TRIM74: variants seen among roughly 807,000 people sequenced by gnomAD.
TRIM74 encodes the protein tripartite motif-containing protein 74.
A neutral mutation model predicts 14.5 loss-of-function variants in TRIM74; 3 were observed. The observed-to-expected ratio is 0.21, with a 90% CI of 0.09 to 0.53. The LOEUF is 0.53. Among genes scored for constraint, TRIM74 ranks in the 20% least tolerant of loss-of-function variants. The pLI, the probability that TRIM74 is intolerant of heterozygous loss-of-function variation, is 0.95. For synonymous variants in TRIM74, 10 were observed against 71.3 expected (o/e 0.14, Z 4.33); for missense variants, 26 against 174.0 (o/e 0.15, Z 4.79).
downstream of TRIM74, chr7:72,955,111 A>ATATATATATATATT (rs1346659193): frequency 8.9e-6 from 1 of 112,068 alleles, no homozygotes; most frequent in African/African-American, 4.1e-5. Context: ...ATATATATAT[A>ATATATATATATATT]TTTTTTTTTT....
At chr7:72,955,117 T>A (rs376960117), downstream of TRIM74, 19 of 194,914 alleles carry the variant, frequency 9.7e-5, no homozygotes, top group African/African-American at 4.1e-4. Flanking sequence ...ATATATTTTT[T>A]TTTTTTTCAG....
At chr7:72,956,046 ACTT>A (rs1798088966), downstream of TRIM74, among the ~76,000 whole-genome samples, 1 of 145,766 alleles carries the variant, frequency 6.9e-6, no homozygotes, top group African/African-American at 2.6e-5. Context: ...GTTCATGTAT[ACTT>A]CTTTAAAGAT....
downstream of TRIM74, chr7:72,954,937 C>G (rs1367028590): frequency 2.2e-5 from 13 of 590,156 alleles, no homozygotes; most frequent in Middle Eastern, 3.7e-4. Context: ...CGTTTCGCCA[C>G]TTCTTCTCCA....
chr7:72,967,060 C>CT (rs1389048194), intron 1 of TRIM74: 2 of 152,090 alleles, frequency 1.3e-5, no homozygotes, highest in African/African-American at 4.8e-5. Flanking sequence ...CATCACAGGA[C>CT]TGGGGAGGCA....
intron 1 of TRIM74, among the ~76,000 whole-genome samples, chr7:72,966,425 A>G (rs1798276574): frequency 1.5e-5 from 2 of 135,776 alleles, no homozygotes; most frequent in Non-Finnish European, 3.1e-5. Context: ...GTGTGTCTAC[A>G]TTTTTTACTC....
At position 72,966,062 on chromosome 7, in the gene TRIM74, G is replaced by A. The variant is rs782814714; in HGVS notation, c.96C>T (p.Gly32=). The stretch of plus-strand genomic sequence containing the variant: ...CCAGGCAGCCCTTGCAGTAGGAGTG[G>A]CCGCACTGTAGCATTAGGGACTCCT... ...VFKESLMLQC[G]HSYCKGCLVS... is the part of the protein sequence containing the mutation. The change falls in exon 2 of 5, where the codon GGC becomes GGT. Residue 32 remains glycine (G), a synonymous_variant. Coordinates refer to ENST00000285805, the MANE Select transcript of TRIM74 (RefSeq NM_198853.3). The A allele has an allele frequency of 4.9e-6, 4 of 816,472 alleles. 1 individual carries two copies. Among genetic ancestry groups the A allele is most frequent in the Non-Finnish European group, 6.5e-6 (4 of 612,742 alleles). 50.6% of individuals were successfully genotyped at this position (816,472 alleles called of 1,614,324 possible).
chr7:72,956,557 G>C (rs1488512283), downstream of TRIM74, among the ~76,000 whole-genome samples: 1 of 150,736 alleles, frequency 6.6e-6, no homozygotes, highest in Non-Finnish European at 1.5e-5. Context: ...TCAGGAAAAA[G>C]GACAGGTCGA....
At chr7:72,958,566 C>CT (rs1158007712), downstream of TRIM74, among the ~76,000 whole-genome samples, 26 of 37,210 alleles carry the variant, frequency 7.0e-4, 1 homozygote, top group African/African-American at 1.8e-3. Context: ...GTTTTCTTTT[C>CT]TTTTTTTTTT....
At chr7:72,967,246 T>TG (rs1286176329) in intron 1 of TRIM74, among the ~76,000 whole-genome samples, 234 of 100,682 alleles carry the variant, frequency 2.3e-3, no homozygotes, top group Middle Eastern at 0.014. Context: ...TATCCTTTTT[T>TG]GGGGGGGGTG....
At chr7:72,967,245 T>TGGG (rs1441686093) in intron 1 of TRIM74, among the ~76,000 whole-genome samples, 10 of 116,616 alleles carry the variant, frequency 8.6e-5, no homozygotes, top group South Asian at 8.1e-4. Flanking sequence ...ATATCCTTTT[T>TGGG]TGGGGGGGGT....
At chr7:72,969,612 A>T, upstream of TRIM74, 1 of 1,476,082 alleles carries the variant, frequency 6.8e-7, no homozygotes, top group Middle Eastern at 2.4e-4. Context: ...CTGTAGTTCC[A>T]GAGCTCGCGA....
downstream of TRIM74, chr7:72,954,897 G>C (rs544708269): frequency 4.2e-5 from 23 of 543,738 alleles, no homozygotes; most frequent in African/African-American, 4.9e-4. Context: ...GGGCGCACCT[G>C]CTGGGGTAGG....
At chr7:72,966,313 T>C (rs1798270041) in intron 1 of TRIM74, 138 bp from the exon 2 acceptor site, 1 of 359,586 alleles carries the variant, frequency 2.8e-6, no homozygotes, top group Non-Finnish European at 4.7e-6. Flanking sequence ...CTAACCCACA[T>C]GACCTTGGGC....
At chr7:72,963,119 TA>T (rs1371295831) in intron 2 of TRIM74, among the ~76,000 whole-genome samples, 2 of 144,678 alleles carry the variant, frequency 1.4e-5, no homozygotes, top group African/African-American at 5.0e-5. Flanking sequence ...AAATCTGACC[TA>T]GCCTTGGGGG....
At chr7:72,963,664 AG>A (rs1185392665) in intron 2 of TRIM74, among the ~76,000 whole-genome samples, 1 of 142,548 alleles carries the variant, frequency 7.0e-6, no homozygotes, top group Non-Finnish European at 1.6e-5. Context: ...TGAGGCCAGG[AG>A]TTTGAGTCCA....
At chr7:72,963,731 A>C (rs1798226278) in intron 2 of TRIM74, among the ~76,000 whole-genome samples, 1 of 145,150 alleles carries the variant, frequency 6.9e-6, no homozygotes, top group Non-Finnish European at 1.5e-5. Context: ...ATTAAGCCCA[A>C]ATCTAAAACA....
intron 1 of TRIM74, among the ~76,000 whole-genome samples, chr7:72,967,249 G>T (rs1164580262): frequency 2.7e-5 from 4 of 148,860 alleles, no homozygotes; most frequent in South Asian, 4.3e-4. Context: ...CCTTTTTTGG[G>T]GGGGGTGGGG....
downstream of TRIM74, chr7:72,955,111 A>ATATATATATATATATATT (rs1346659193): frequency 4.5e-5 from 5 of 112,054 alleles, no homozygotes; most frequent in African/African-American, 1.7e-4. Context: ...ATATATATAT[A>ATATATATATATATATATT]TTTTTTTTTT....
chr7:72,962,636 C>T (rs1392608312), intron 2 of TRIM74, among the ~76,000 whole-genome samples: 3 of 82,372 alleles, frequency 3.6e-5, no homozygotes, highest in South Asian at 4.8e-4. Flanking sequence ...GAGCCGAGAT[C>T]GCCCACTGCA....
Sources: gnomAD v4.1 joint callset for allele counts (sites outside exome capture counted in the v4.1 genomes callset) on GRCh38, gnomAD v4.1.1 for gene constraint, MANE v1.5 for transcripts, NCBI Gene and HGNC (gene_info 2026-07-23, HGNC 2026-07-21) for gene names.